Variants in SGCD observed in about 807,000 individuals in gnomAD.
SGCD encodes sarcoglycan delta, also known as delta-sarcoglycan.
A neutral mutation model predicts 36.6 loss-of-function variants in SGCD; 18 were observed. That is an observed-to-expected ratio of 0.49 (90% confidence interval 0.34 to 0.73). The LOEUF (loss-of-function observed/expected upper bound fraction) is 0.73. SGCD is among the 30% of genes least tolerant of loss of function. The pLI is 0.01. For missense variants in SGCD, 387 were observed against 346.7 expected (o/e 1.12, Z -0.92); for synonymous variants, 133 against 130.6 (o/e 1.02, Z -0.12).
At chr5:155,777,819 T>G in the SGCD span, among the ~76,000 whole-genome samples, 1 of 152,124 alleles carries the variant, frequency 6.6e-6, no homozygotes. Flanking sequence ...TGTTATTCAA[T>G]CCATATGCTC....
At chr5:156,213,216 G>T (rs916590197) in intron 3 of SGCD, among the ~76,000 whole-genome samples, 1 of 151,830 alleles carries the variant, frequency 6.6e-6, no homozygotes, top group Non-Finnish European at 1.5e-5. Context: ...ACTAAGGGTT[G>T]TTTTTTGCAG....
At chr5:156,728,212 A>ATGAT (rs1171285666) in intron 7 of SGCD, among the ~76,000 whole-genome samples, 1 of 152,188 alleles carries the variant, frequency 6.6e-6, no homozygotes, top group African/African-American at 2.4e-5. Flanking sequence ...CAATCTCAAA[A>ATGAT]TGATAGATTT....
Position 156,567,498 on chromosome 5 carries a change from C to T in SGCD, c.295-21733C>T, listed in dbSNP as rs566628775. On this transcript the variant is annotated intron_variant, in intron 4 of 8. Coordinates refer to ENST00000337851, the MANE Select transcript of SGCD (RefSeq NM_000337.6). ...GCAGGGTGAGCCAGCAGGCTGGAGG[C>T]CTTAGGAAGAGCCATTGTCCAGTTC... Among the ~76,000 whole-genome samples, 14 of 152,166 alleles carry T rather than the reference C, an allele frequency of 9.2e-5. No homozygotes were observed. The East Asian group carries it at 2.3e-3, about 25-fold the overall frequency.
In SGCD at chr5:155,880,751, G is replaced by T. The variant is rs148914311; in HGVS notation, c.-282+10327G>T. Among the ~76,000 whole-genome samples, 74 of 152,156 alleles carry T rather than the reference G, an allele frequency of 4.9e-4. 2 individuals are homozygous for T. The South Asian group carries it at 7.7e-3, about 16-fold the overall frequency. ...AGCCAGAAAACCTGGATTTGCATTT[G>T]CATTCTCAACAGGAAGTTTTAGATA... On this transcript the variant is annotated intron_variant, in intron 1 of 9. Coordinates refer to the SGCD transcript ENST00000517913.
chr5:156,374,738 T>G (rs113505677), intron 3 of SGCD, among the ~76,000 whole-genome samples: 1 of 147,116 alleles, frequency 6.8e-6, no homozygotes, highest in African/African-American at 2.5e-5. Context: ...CTTGGCTCAC[T>G]GCAAGCTCCG....
At chr5:156,116,788 AGAT>A (rs1761916043) in intron 1 of SGCD, among the ~76,000 whole-genome samples, 1 of 152,172 alleles carries the variant, frequency 6.6e-6, no homozygotes, top group Non-Finnish European at 1.5e-5. Context: ...TTTATTGGAA[AGAT>A]TTCATGAGAA....
the SGCD span, among the ~76,000 whole-genome samples, chr5:155,783,189 G>C: frequency 6.6e-6 from 1 of 152,180 alleles, no homozygotes; most frequent in Non-Finnish European, 1.5e-5. Context: ...TATATGTACA[G>C]AAGAGAATTC....
At chr5:155,738,166 T>C in the SGCD span, among the ~76,000 whole-genome samples, 7,089 of 152,242 alleles carry the variant, frequency 0.047, 521 homozygotes, top group African/African-American at 0.16. Flanking sequence ...ATACCCAATG[T>C]ATGAACAACC....
chr5:156,322,522 A>C (rs1206714564), upstream of SGCD, among the ~76,000 whole-genome samples: 3 of 152,224 alleles, frequency 2.0e-5, no homozygotes, highest in South Asian at 2.1e-4. Context: ...TGTATATACA[A>C]CTAAAATAAG....
At chr5:156,522,277 G>A (rs550053831) in intron 4 of SGCD, among the ~76,000 whole-genome samples, 28 of 152,192 alleles carry the variant, frequency 1.8e-4, no homozygotes, top group African/African-American at 6.7e-4. Flanking sequence ...AATCAACATG[G>A]CACATGTATA....
At position 156,666,926 on chromosome 5, in the gene SGCD, G is replaced by A. The variant is rs566621627; in HGVS notation, c.575+19390G>A. Among the ~76,000 whole-genome samples, 4 of 152,248 alleles carry A rather than the reference G, an allele frequency of 2.6e-5. No homozygotes were observed. In the South Asian group the frequency reaches 6.2e-4, roughly 24 times the overall value. On this transcript the variant is annotated intron_variant, in intron 7 of 8. Coordinates refer to ENST00000337851, the MANE Select transcript of SGCD (RefSeq NM_000337.6). ...CATGCCACTGCACCCCAGCCTGGGT[G>A]ACAGAGTGACTTTGTCTCAAAAACT...
Position 156,379,859 on chromosome 5 carries a change from A to G in SGCD, c.192+35182A>G, listed in dbSNP as rs185605899. ...GATAACACCAGTCTTTTGACTTTGA[A>G]GATTCCTTCAGAATTGTTCAGAAAA... On this transcript the variant is annotated intron_variant, in intron 3 of 8. Transcript: ENST00000337851. Among the ~76,000 whole-genome samples the G allele has an allele frequency of 4.6e-5, 7 of 152,326 alleles. No individual in the cohort carries two copies. In the East Asian group the frequency reaches 1.3e-3, roughly 29 times the overall value.
chr5:155,974,226 T>C (rs1168164798), intron 1 of SGCD, among the ~76,000 whole-genome samples: 1 of 152,136 alleles, frequency 6.6e-6, no homozygotes, highest in Non-Finnish European at 1.5e-5. Context: ...GCTGAGTGAC[T>C]TTTGGGCTCA....
At chr5:156,558,023 G>A (rs2431769) in intron 4 of SGCD, among the ~76,000 whole-genome samples, 36,063 of 145,740 alleles carry the variant, frequency 0.25, 5,246 homozygotes, top group African/African-American at 0.4. Flanking sequence ...ACCTGGGATG[G>A]AAAAATGGGT....
chr5:155,901,029 TAGGCC>T (rs1231218333), intron 1 of SGCD, among the ~76,000 whole-genome samples: 2 of 152,068 alleles, frequency 1.3e-5, no homozygotes, highest in African/African-American at 4.8e-5. Flanking sequence ...ATTTAAAAAA[TAGGCC>T]AGTCGTGGTG....
In SGCD at chr5:156,759,273, G is replaced by A. The variant is rs756467431; in HGVS notation, c.756G>A (p.Thr252=). The change falls in exon 9 of 9, where the codon ACG becomes ACA. Residue 252 remains threonine, a synonymous_variant. Coordinates refer to ENST00000337851, the MANE Select transcript of SGCD (RefSeq NM_000337.6). ...RLPRLPHGSY[T]PTGTRQKVFE... Reference sequence around the variant, plus strand: ...CTAGACTGCCTCATGGATCCTACACGCCTACAGGAACGAGGCAGAAGGTCT... The same window carrying A: ...CTAGACTGCCTCATGGATCCTACACACCTACAGGAACGAGGCAGAAGGTCT... 2.5e-5 allele frequency: 41 copies of A among 1,613,472 alleles called. 1 individual carries two copies. The highest frequency in any genetic ancestry group is 1.6e-4 in the Middle Eastern group (1 of 6,082).
At chr5:156,123,131 A>G (rs1220251475) in intron 2 of SGCD, among the ~76,000 whole-genome samples, 1 of 152,082 alleles carries the variant, frequency 6.6e-6, no homozygotes, top group African/African-American at 2.4e-5. Flanking sequence ...GTCATCTTAT[A>G]TCTGACATGC....
rs150458613 is a variant in SGCD at position 156,676,462 on chromosome 5, C to A, written c.575+28926C>A. 3.9e-5 allele frequency among the ~76,000 whole-genome samples: 6 copies of A among 152,300 alleles called. No individual in the cohort carries two copies. The South Asian group carries it at 1.2e-3, about 32-fold the overall frequency. On this transcript the variant is annotated intron_variant, in intron 7 of 8. Transcript: ENST00000337851. Reference sequence around the variant, plus strand: ...GCTGGTGTCACTTGAACAGACACTGCGAATGAGTTCTGCTGGATAAATAGC... The same window carrying A: ...GCTGGTGTCACTTGAACAGACACTGAGAATGAGTTCTGCTGGATAAATAGC...
chr5:155,854,018 G>T, the SGCD span, among the ~76,000 whole-genome samples: 1 of 152,096 alleles, frequency 6.6e-6, no homozygotes, highest in Non-Finnish European at 1.5e-5. Flanking sequence ...CATAGGAAGA[G>T]TATTTTTTTA....
Sources: gnomAD v4.1 joint callset for allele counts (sites outside exome capture counted in the v4.1 genomes callset) on GRCh38, gnomAD v4.1.1 for gene constraint, MANE v1.5 for transcripts, NCBI Gene and HGNC (gene_info 2026-07-23, HGNC 2026-07-21) for gene names.